Variants in SNTG1 observed in about 807,000 individuals in gnomAD.
SNTG1 encodes the protein syntrophin gamma 1.
In SNTG1, 39 loss-of-function variants were observed where a neutral mutation model predicts 74.7. The observed-to-expected ratio is 0.52, with a 90% CI of 0.40 to 0.68. The LOEUF is 0.68. Ranked by LOEUF, SNTG1 falls within the 30% of genes least tolerant of loss-of-function variation. The probability of loss-of-function intolerance (pLI) is 0.00; values close to 1 mark genes in which losing one functional copy is unlikely to be tolerated. For synonymous variants in SNTG1, 254 were observed against 217.1 expected (o/e 1.17, Z -1.49); for missense variants, 685 against 609.5 (o/e 1.12, Z -1.30).
chr8:50,186,235 T>C (rs2083379790), intron 2 of SNTG1, among the ~76,000 whole-genome samples: 1 of 152,178 alleles, frequency 6.6e-6, no homozygotes, highest in Admixed American at 6.6e-5. Context: ...CACATTTTCT[T>C]TATTCAATAT....
chr8:50,579,493 G>C (rs185488441), intron 12 of SNTG1, among the ~76,000 whole-genome samples: 2 of 152,246 alleles, frequency 1.3e-5, no homozygotes, highest in Admixed American at 6.5e-5. Context: ...GCGTGTCAGA[G>C]ACCTTCATGG....
At chr8:50,261,397 A>T (rs530966992) in intron 2 of SNTG1, among the ~76,000 whole-genome samples, 39 of 152,308 alleles carry the variant, frequency 2.6e-4, no homozygotes, top group African/African-American at 9.4e-4. Context: ...CTTACAATGA[A>T]TGTTAGTTCT....
At chr8:50,706,610 A>G (rs1201208911) in intron 16 of SNTG1, among the ~76,000 whole-genome samples, 1 of 152,128 alleles carries the variant, frequency 6.6e-6, no homozygotes, top group Non-Finnish European at 1.5e-5. Flanking sequence ...TTCCTTACCC[A>G]TTCACAATGC....
intron 2 of SNTG1, among the ~76,000 whole-genome samples, chr8:50,180,150 T>C (rs1311926810): frequency 6.6e-6 from 1 of 152,244 alleles, no homozygotes; most frequent in Non-Finnish European, 1.5e-5. Flanking sequence ...GCCTGGAGGA[T>C]ATTACACTAA....
intron 1 of SNTG1, among the ~76,000 whole-genome samples, chr8:50,114,870 AG>A (rs2080751012): frequency 6.6e-6 from 1 of 152,100 alleles, no homozygotes; most frequent in Non-Finnish European, 1.5e-5. Context: ...TCTCTAAAAA[AG>A]AAAAAAAATA....
At chr8:50,639,643 T>A (rs2095060206) in intron 13 of SNTG1, among the ~76,000 whole-genome samples, 1 of 151,944 alleles carries the variant, frequency 6.6e-6, no homozygotes, top group African/African-American at 2.4e-5. Flanking sequence ...CAGAAAAAAA[T>A]ATTAAATTAC....
intron 2 of SNTG1, among the ~76,000 whole-genome samples, chr8:50,378,061 C>T (rs1319842640): frequency 2.0e-5 from 3 of 152,214 alleles, no homozygotes; most frequent in Non-Finnish European, 2.9e-5. Context: ...GTGCTTGGCT[C>T]ATGCTACCAG....
chr8:50,393,142 A>C (rs1170550997), intron 2 of SNTG1, among the ~76,000 whole-genome samples: 1 of 152,156 alleles, frequency 6.6e-6, no homozygotes. Context: ...CACAATCCAC[A>C]AGATTTATCT....
At chr8:50,008,454 T>C (rs1815459955) in intron 1 of SNTG1, among the ~76,000 whole-genome samples, 1 of 152,172 alleles carries the variant, frequency 6.6e-6, no homozygotes, top group Non-Finnish European at 1.5e-5. Context: ...AGAAATTGGG[T>C]CTAGTCTTCC....
At chr8:50,210,899 C>T (rs1563745663) in intron 2 of SNTG1, among the ~76,000 whole-genome samples, 1 of 152,138 alleles carries the variant, frequency 6.6e-6, no homozygotes, top group Non-Finnish European at 1.5e-5. Context: ...CCTAATTGTA[C>T]ATAGTCACTA....
At chr8:50,588,918 A>G (rs2094672625) in intron 12 of SNTG1, among the ~76,000 whole-genome samples, 1 of 152,072 alleles carries the variant, frequency 6.6e-6, no homozygotes, top group African/African-American at 2.4e-5. Flanking sequence ...TATTTTGCAA[A>G]CATAGTTTTT....
intron 2 of SNTG1, among the ~76,000 whole-genome samples, chr8:50,295,616 A>T (rs2089326071): frequency 6.6e-6 from 1 of 152,166 alleles, no homozygotes; most frequent in African/African-American, 2.4e-5. Flanking sequence ...TTAAAAAGAG[A>T]TAGACATGAC....
rs971627750 is a variant in SNTG1, at chr8:50,149,906, G to C, written c.-102-22655G>C. On this transcript the variant is annotated intron_variant, in intron 1 of 18. Coordinates refer to ENST00000642720, the MANE Select transcript of SNTG1 (RefSeq NM_018967.5). ...TTTTTGGTTCCATATGAACTTTAAA[G>C]TAGTTTTTTTCCAATTCTGTGAAGA... 2.0e-4 allele frequency among the ~76,000 whole-genome samples: 30 copies of C among 152,288 alleles called. 1 individual carries two copies. Among genetic ancestry groups the C allele is most frequent in the Admixed American group, 1.8e-3 (27 of 15,284 alleles).
At chr8:50,689,028 G>A (rs1310219095) in intron 15 of SNTG1, among the ~76,000 whole-genome samples, 1 of 150,472 alleles carries the variant, frequency 6.6e-6, no homozygotes, top group African/African-American at 2.5e-5. Context: ...AATTGTGAAT[G>A]GGAATTCACT....
chr8:50,546,761 T>C (rs2094391309), intron 11 of SNTG1, among the ~76,000 whole-genome samples: 1 of 152,080 alleles, frequency 6.6e-6, no homozygotes, highest in African/African-American at 2.4e-5. Context: ...ATGTGCTACA[T>C]TTTCTTAATC....
At chr8:50,757,636 T>A (rs960882936) in intron 18 of SNTG1, among the ~76,000 whole-genome samples, 3 of 151,960 alleles carry the variant, frequency 2.0e-5, no homozygotes, top group Non-Finnish European at 2.9e-5. Context: ...TGACAATCTT[T>A]ATTTTTTAAT....
chr8:50,154,703 C>T (rs780984870), intron 1 of SNTG1, among the ~76,000 whole-genome samples: 1 of 152,130 alleles, frequency 6.6e-6, no homozygotes, highest in African/African-American at 2.4e-5. Flanking sequence ...AAAATTGCAA[C>T]CATCTATAAA....
At chr8:50,218,587 TA>T (rs145183577) in intron 2 of SNTG1, among the ~76,000 whole-genome samples, 1 of 152,098 alleles carries the variant, frequency 6.6e-6, no homozygotes, top group African/African-American at 2.4e-5. Flanking sequence ...TGGTTTTATT[TA>T]AAAAATAATG....
chr8:50,564,927 T>G (rs2094507572), intron 12 of SNTG1, among the ~76,000 whole-genome samples: 1 of 152,072 alleles, frequency 6.6e-6, no homozygotes, highest in Non-Finnish European at 1.5e-5. Flanking sequence ...GAAGGGAAAG[T>G]GGAAAATATA....
Sources: allele counts gnomAD v4.1 joint callset (sites outside exome capture counted in the v4.1 genomes callset), GRCh38; gene constraint gnomAD v4.1.1; transcripts MANE v1.5; gene names NCBI Gene and HGNC (gene_info 2026-07-23, HGNC 2026-07-21).